Variants in CRYZL1 observed in about 807,000 individuals in gnomAD.
CRYZL1 encodes the protein crystallin zeta like 1, also known as ferry endosomal RAB5 effector complex subunit 4.
A neutral mutation model predicts 50.6 loss-of-function variants in CRYZL1; 34 were observed. The observed-to-expected ratio is 0.67, with a 90% CI of 0.51 to 0.89. CRYZL1 has a LOEUF of 0.89. CRYZL1 is among the 40% of genes least tolerant of loss of function. CRYZL1 has a pLI of 0.00. For missense variants in CRYZL1, 354 were observed against 402.3 expected (o/e 0.88, Z 1.03); for synonymous variants, 125 against 134.3 (o/e 0.93, Z 0.48).
intron 1 of CRYZL1, among the ~76,000 whole-genome samples, chr21:33,635,974 T>C (rs139299596): frequency 7.0e-4 from 107 of 152,042 alleles, no homozygotes; most frequent in African/African-American, 2.4e-3. Flanking sequence ...AGCGAGGCTT[T>C]GTCTCAAAAA....
At chr21:33,639,102 C>T (rs1022227468) in intron 1 of CRYZL1, among the ~76,000 whole-genome samples, 1 of 152,194 alleles carries the variant, frequency 6.6e-6, no homozygotes, top group African/African-American at 2.4e-5. Flanking sequence ...TGGCTCTCAA[C>T]AAAGAACTCT....
chr21:33,618,877 G>C (rs1461009338), intron 4 of CRYZL1, among the ~76,000 whole-genome samples: 1 of 151,736 alleles, frequency 6.6e-6, no homozygotes, highest in African/African-American at 2.4e-5. Flanking sequence ...CATTCCAAAG[G>C]GTTCTTTGTT....
At position 33,589,905 on chromosome 21, in the gene CRYZL1, G is replaced by T. The variant is rs754753495; in HGVS notation, c.967C>A (p.Pro323Thr). The T allele has an allele frequency of 1.2e-5, 19 of 1,601,870 alleles. No homozygotes were observed. Among genetic ancestry groups the T allele is most frequent in the Middle Eastern group, 3.3e-4 (2 of 6,046 alleles). Reference sequence around the variant, plus strand: ...ACTTTTGCCTCATACAGTGGAATGGGTTCATCCAACTGAGGTCTGAGAAGG... The same window carrying T: ...ACTTTTGCCTCATACAGTGGAATGGTTTCATCCAACTGAGGTCTGAGAAGG... ...TGVFRPQLDEPIPLYEAKVSM... is the reference protein window; with the variant it reads ...TGVFRPQLDETIPLYEAKVSM... Residue 323 changes from proline (P) to threonine (T), a missense_variant, in exon 13 of 13, where the codon CCC becomes ACC. Coordinates refer to ENST00000381554, the MANE Select transcript of CRYZL1 (RefSeq NM_145858.3).
chr21:33,634,880 A>AATAT (rs10599845), intron 1 of CRYZL1, among the ~76,000 whole-genome samples: 2,167 of 144,400 alleles, frequency 0.015, 28 homozygotes, highest in Middle Eastern at 0.022. Context: ...CAACAACAAC[A>AATAT]ATATATATAT....
chr21:33,627,747 T>G (rs1421023708), intron 2 of CRYZL1, among the ~76,000 whole-genome samples: 1 of 143,224 alleles, frequency 7.0e-6, no homozygotes, highest in Non-Finnish European at 1.5e-5. Context: ...TGGTTTTTTT[T>G]TTTTTTTTTT....
At chr21:33,597,424 A>C (rs2086706205) in intron 9 of CRYZL1, 23 bp from the exon 10 acceptor site, 1 of 1,497,958 alleles carries the variant, frequency 6.7e-7, no homozygotes, top group African/African-American at 1.4e-5. Flanking sequence ...TAGTTTTAAA[A>C]AAAGAGAGAG....
intron 1 of CRYZL1, among the ~76,000 whole-genome samples, chr21:33,639,081 T>G (rs1337024507): frequency 6.6e-6 from 1 of 152,252 alleles, no homozygotes; most frequent in Non-Finnish European, 1.5e-5. Flanking sequence ...TTGTTTCTTT[T>G]TTGCCTACAG....
rs2086618745 is a variant in CRYZL1 at position 33,589,429 on chromosome 21, A to G, written c.*393T>C. ...CAGCAAAGACTTAAGGAAGGTGTTGAGAACGGAGTTGATACAAAATTAATA... is the reference window on the plus strand; with the variant it reads ...CAGCAAAGACTTAAGGAAGGTGTTGGGAACGGAGTTGATACAAAATTAATA... On this transcript the variant is annotated 3_prime_UTR_variant, in exon 13 of 13. Coordinates refer to ENST00000381554, the MANE Select transcript of CRYZL1 (RefSeq NM_145858.3). 3.6e-6 allele frequency: 1 copy of G among 280,010 alleles called. No homozygotes were observed. Among genetic ancestry groups the G allele is most frequent in the African/African-American group, 2.2e-5 (1 of 45,720 alleles). The allele number at this position is 280,010 out of a possible 1,614,324, so 17.3% of individuals were successfully genotyped here. A position where few individuals can be genotyped will look rare whatever the true frequency, so the allele number is the denominator to read the frequency against.
intron 5 of CRYZL1, among the ~76,000 whole-genome samples, chr21:33,614,147 G>C (rs964271287): frequency 6.8e-6 from 1 of 147,734 alleles, no homozygotes; most frequent in Non-Finnish European, 1.5e-5. Flanking sequence ...ATTCCAGCCC[G>C]GCCGACAGTG....
At chr21:33,609,386 A>T (rs7278418) in intron 6 of CRYZL1, among the ~76,000 whole-genome samples, 30,293 of 151,938 alleles carry the variant, frequency 0.2, 3,716 homozygotes, top group Non-Finnish European at 0.26. Flanking sequence ...AGTAGCCTCA[A>T]CCTCCTAGGT....
chr21:33,593,569 C>G (rs1162265747), intron 11 of CRYZL1, among the ~76,000 whole-genome samples: 1 of 152,206 alleles, frequency 6.6e-6, no homozygotes, highest in Non-Finnish European at 1.5e-5. Context: ...CATGTTTCAA[C>G]TTGGTCCAAG....
chr21:33,600,933 G>GTT (rs764185960), intron 8 of CRYZL1, among the ~76,000 whole-genome samples: 1,182 of 59,528 alleles, frequency 0.02, 216 homozygotes, highest in Middle Eastern at 0.038. Flanking sequence ...GGTCCATAAA[G>GTT]TTTTTTTTTT....
At chr21:33,590,815 G>A (rs1478137736) in intron 12 of CRYZL1, among the ~76,000 whole-genome samples, 1 of 152,236 alleles carries the variant, frequency 6.6e-6, no homozygotes, top group Non-Finnish European at 1.5e-5. Flanking sequence ...TGCTTTGGGA[G>A]GGGTGATGAG....
At chr21:33,605,342 T>G (rs1444231041) in intron 6 of CRYZL1, among the ~76,000 whole-genome samples, 1 of 151,972 alleles carries the variant, frequency 6.6e-6, no homozygotes, top group Non-Finnish European at 1.5e-5. Context: ...ACTGACATCC[T>G]AACAATTCCC....
chr21:33,615,318 A>G (rs1601338892), intron 5 of CRYZL1, among the ~76,000 whole-genome samples: 1 of 151,662 alleles, frequency 6.6e-6, no homozygotes, highest in South Asian at 2.1e-4. Context: ...CGCCTGGCTA[A>G]TTTTTGTATT....
At chr21:33,624,881 G>A in intron 2 of CRYZL1, 121 bp from the exon 3 acceptor site, 1 of 1,304,400 alleles carries the variant, frequency 7.7e-7, no homozygotes, top group Non-Finnish European at 1.0e-6. Flanking sequence ...AAATCTCACA[G>A]CTAATTTTAA....
chr21:33,641,199 G>C, intron 1 of CRYZL1: 9 of 1,550,470 alleles, frequency 5.8e-6, no homozygotes, highest in Non-Finnish European at 7.8e-6. Context: ...AGATGATTCC[G>C]CCGTTTAGCA....
At position 33,637,760 on chromosome 21, in the gene CRYZL1, C is replaced by CATATATAT. The variant is rs10536195; in HGVS notation, c.-7+3913_-7+3920dup. ...TATAAACAGCTACACAAGAGAAAAA[C>CATATATAT]ATATATATATATATATATATATATA... On this transcript the variant is annotated intron_variant, in intron 1 of 12. Transcript: ENST00000381554. 6.4e-3 allele frequency among the ~76,000 whole-genome samples: 844 copies of CATATATAT among 131,694 alleles called. 4 individuals are homozygous for CATATATAT. The highest frequency in any genetic ancestry group is 0.026 in the Middle Eastern group (7 of 270). 86.4% of individuals were successfully genotyped at this position (131,694 alleles called of 152,430 possible). A position where few individuals can be genotyped will look rare whatever the true frequency, so the allele number is the denominator to read the frequency against.
intron 11 of CRYZL1, chr21:33,595,266 T>C (rs1426703419): frequency 4.1e-6 from 4 of 987,040 alleles, no homozygotes; most frequent in Non-Finnish European, 5.2e-6. Flanking sequence ...AGCATTGATA[T>C]TTATAAAACA....
Sources: gnomAD v4.1 joint callset for allele counts (sites outside exome capture counted in the v4.1 genomes callset) on GRCh38, gnomAD v4.1.1 for gene constraint, MANE v1.5 for transcripts, NCBI Gene and HGNC (gene_info 2026-07-23, HGNC 2026-07-21) for gene names.